IPO13: variants seen among roughly 807,000 people sequenced by gnomAD.
IPO13 encodes the protein importin 13, also known as importin-13.
IPO13 carries 28 observed loss-of-function variants against 115.5 expected under a neutral mutation model. The observed-to-expected ratio is 0.24, with a 90% CI of 0.18 to 0.33. IPO13 has a LOEUF of 0.33. Among genes scored for constraint, IPO13 ranks in the 10% least tolerant of loss-of-function variants. The pLI is 1.00. For synonymous variants in IPO13, 414 were observed against 478.9 expected, an observed-to-expected ratio of 0.86 and a Z score of 1.77; for missense variants, 785 against 1,204.6, an observed-to-expected ratio of 0.65 and a Z score of 5.16.
Position 43,961,206 on chromosome 1 carries a change from C to T in IPO13, c.2288C>T (p.Pro763Leu), listed in dbSNP as rs1386026288. The change falls in exon 14 of 20, where the codon CCA becomes CTA. Residue 763 changes from proline (P) to leucine (L), a missense_variant. Physicochemically the swap from Pro to Leu is moderately conservative, Grantham distance 98 (BLOSUM62 -3). Transcript: ENST00000372343. ...GCTCATGAGCCTGCCCACTTTCCCC[C>T]AATTGAGGCCCTCTTCCTGCTCGTC... ...IFAHEPAHFP[P>L]IEALFLLVTS... 1.9e-6 allele frequency: 3 copies of T among 1,614,048 alleles called. No individual in the cohort carries two copies. The highest frequency in any genetic ancestry group is 2.5e-6 in the Non-Finnish European group (3 of 1,180,000).
In IPO13 at chr1:43,958,398, A is replaced by G; in HGVS notation, c.1750-63A>G. On this transcript the variant is annotated intron_variant, in intron 9 of 19. Coordinates refer to ENST00000372343, the MANE Select transcript of IPO13 (RefSeq NM_014652.4). The surrounding 1 kb of genome is among the most constrained non-coding windows in gnomAD (Gnocchi z 6.3). ...CTGTTTTTCTTCTCCCAAGAGGCTC[A>G]TTTTCCTTCCTACCCCACAACTAGA... is the stretch of plus-strand genomic sequence containing the variant. 1.2e-6 allele frequency: 2 copies of G among 1,611,614 alleles called. No individual in the cohort carries two copies. Among genetic ancestry groups the G allele is most frequent in the East Asian group, 2.2e-5 (1 of 44,844 alleles).
chr1:43,949,308 C>A, intron 1 of IPO13, 109 bp from the exon 2 acceptor site: 1 of 1,208,394 alleles, frequency 8.3e-7, no homozygotes, highest in Non-Finnish European at 1.1e-6. Context: ...TGCTCAGCCC[C>A]CCAGTCAGGG....
rs753317887 is a variant in IPO13, at chr1:43,956,803, C to T, written c.1105-7C>T. On this transcript the variant is annotated splice_polypyrimidine_tract_variant and splice_region_variant and intron_variant, in intron 4 of 19. Transcript: ENST00000372343. This position sits in a 1 kb window ranked among gnomAD's most constrained non-coding sequence, Gnocchi z 4.7. Reference sequence around the variant, plus strand: ...AGGTGGCTAATTCTCTTCCCTGGCTCTCTCAGGATGATATTCTATCCTTTG... The same window carrying T: ...AGGTGGCTAATTCTCTTCCCTGGCTTTCTCAGGATGATATTCTATCCTTTG... 1 of 1,614,032 alleles carries T rather than the reference C, an allele frequency of 6.2e-7. No homozygotes were observed. Among genetic ancestry groups the T allele is most frequent in the Admixed American group, 1.7e-5 (1 of 60,026 alleles).
rs147495869 is a variant in IPO13, at chr1:43,953,850, A to G, written c.822-2470A>G. Among the ~76,000 whole-genome samples, 426 of 152,344 alleles carry G rather than the reference A, an allele frequency of 2.8e-3. 4 individuals are homozygous for G. Among genetic ancestry groups the G allele is most frequent in the African/African-American group, 9.8e-3 (406 of 41,582 alleles). On this transcript the variant is annotated intron_variant, in intron 2 of 19. Coordinates refer to ENST00000372343, the MANE Select transcript of IPO13 (RefSeq NM_014652.4). ...ACTGGAGATATGGGCTGAGACGTAC[A>G]TAAATCCTTTGGGGAAATTCTGGTT...
chr1:43,957,175 G>A lies in IPO13; in HGVS notation c.1272-20G>A, dbSNP rs746166779. The A allele has an allele frequency of 6.2e-7, 1 of 1,611,854 alleles. No individual in the cohort carries two copies. The highest frequency in any genetic ancestry group is 1.1e-5 in the South Asian group (1 of 90,934). Reference sequence around the variant, plus strand: ...GGGTCAGGATCCAGGCAGTATAAAAGGCCTTCATCTGCTTCTCAGGGTGGA... The same window carrying A: ...GGGTCAGGATCCAGGCAGTATAAAAAGCCTTCATCTGCTTCTCAGGGTGGA... On this transcript the variant is annotated intron_variant, in intron 5 of 19. Transcript: ENST00000372343.
In IPO13 at chr1:43,961,154, G is replaced by A; in HGVS notation, c.2248-12G>A. The A allele has an allele frequency of 6.2e-7, 1 of 1,612,648 alleles. No homozygotes were observed. The highest frequency in any genetic ancestry group is 8.5e-7 in the Non-Finnish European group (1 of 1,178,606). On this transcript the variant is annotated splice_polypyrimidine_tract_variant and intron_variant, in intron 13 of 19. Transcript: ENST00000372343. ...GGGTCTCAGCTGACCAGCATTCCCTGCTTTCTCGTAGCTGGTCCACATCTT... is the reference window on the plus strand; with the variant it reads ...GGGTCTCAGCTGACCAGCATTCCCTACTTTCTCGTAGCTGGTCCACATCTT...
At chr1:43,947,870 C>T (rs2085178342) in intron 1 of IPO13, among the ~76,000 whole-genome samples, 186 bp downstream of exon 1, 1 of 152,242 alleles carries the variant, frequency 6.6e-6, no homozygotes, top group Non-Finnish European at 1.5e-5. Flanking sequence ...TCTTTCCTTA[C>T]AGGCAGGTCC....
chr1:43,963,222 G>A (rs2085301350), intron 14 of IPO13, among the ~76,000 whole-genome samples: 1 of 152,220 alleles, frequency 6.6e-6, no homozygotes, highest in South Asian at 2.1e-4. Context: ...TGGTGTCTTA[G>A]GCAGATGGTT....
chr1:43,961,262 G>A lies in IPO13; in HGVS notation c.2344G>A (p.Gly782Arg). The A allele has an allele frequency of 6.2e-7, 1 of 1,611,912 alleles. No homozygotes were observed. Among genetic ancestry groups the A allele is most frequent in the Non-Finnish European group, 8.5e-7 (1 of 1,177,970 alleles). Residue 782 changes from glycine to arginine, a missense_variant and splice_region_variant, in exon 14 of 20, where the codon GGG becomes AGG. By Grantham distance (125) the Gly-to-Arg change is moderately radical. This residue lies in a region of IPO13 where 285 missense variants were observed against 394.8 expected (regional missense o/e 0.72). Coordinates refer to ENST00000372343, the MANE Select transcript of IPO13 (RefSeq NM_014652.4). Reference sequence around the variant, plus strand: ...CGTCACACTCACTCTCTTCCAGCAAGGTAGGTCCTGACCGGGGTCTCTGCT... The same window carrying A: ...CGTCACACTCACTCTCTTCCAGCAAAGTAGGTCCTGACCGGGGTCTCTGCT... ...TSVTLTLFQQ[G>R]PRDHPDIVDS...
At chr1:43,964,372 T>G in intron 15 of IPO13, 51 bp downstream of exon 15, 1 of 1,408,704 alleles carries the variant, frequency 7.1e-7, no homozygotes, top group Non-Finnish European at 9.9e-7. Context: ...TTTCTCTTTC[T>G]CTTATGTTGA....
rs369650419 is a variant in IPO13, at chr1:43,950,051, A to G, written c.719A>G (p.Glu240Gly). ...VQLEVPLQDC[E>G]ALIQAAFAAL... ...CTGGAGGTGCCGCTGCAGGACTGTGAGGCGCTCATTCAGGCTGCCTTTGCT... is the reference window on the plus strand; with the variant it reads ...CTGGAGGTGCCGCTGCAGGACTGTGGGGCGCTCATTCAGGCTGCCTTTGCT... The change falls in exon 2 of 20, where the codon GAG becomes GGG. Residue 240 changes from glutamate to glycine, a missense_variant. By Grantham distance (98) the Glu-to-Gly change is moderately conservative. Coordinates refer to ENST00000372343, the MANE Select transcript of IPO13 (RefSeq NM_014652.4). 1 of 1,613,672 alleles carries G rather than the reference A, an allele frequency of 6.2e-7. No individual in the cohort carries two copies. The highest frequency in any genetic ancestry group is 8.5e-7 in the Non-Finnish European group (1 of 1,179,976).
At chr1:43,949,104 C>T (rs764647836) in intron 1 of IPO13, among the ~76,000 whole-genome samples, 3 of 152,240 alleles carry the variant, frequency 2.0e-5, no homozygotes, top group Admixed American at 1.3e-4. Context: ...CCACCTGGGC[C>T]TTGCCCTCAA....
Position 43,967,170 on chromosome 1 carries a change from T to C in IPO13, c.2614-145T>C. The C allele has an allele frequency of 9.1e-7, 1 of 1,099,160 alleles. No homozygotes were observed. Among genetic ancestry groups the C allele is most frequent in the Admixed American group, 1.9e-5 (1 of 52,632 alleles). The allele number at this position is 1,099,160 out of a possible 1,614,324, so 68.1% of individuals were successfully genotyped here. On this transcript the variant is annotated intron_variant, in intron 18 of 19. Transcript: ENST00000372343. The surrounding 1 kb of genome is among the most constrained non-coding windows in gnomAD (Gnocchi z 6.1). ...TGCCTGAAAGTTGTTAGGATTGCTG[T>C]GGGGATCAGCTGGCTCTCAAAAAGC...
At position 43,967,863 on chromosome 1, in the gene IPO13, A is replaced by G. The variant is rs2085337666; in HGVS notation, c.*181A>G. ...GCTTGGACCCAGGCCTTGGGAGGGA[A>G]TGGTGGGAACATCCTCTAGCTCCCA... On this transcript the variant is annotated 3_prime_UTR_variant, in exon 20 of 20. Coordinates refer to ENST00000372343, the MANE Select transcript of IPO13 (RefSeq NM_014652.4). This position sits in a 1 kb window ranked among gnomAD's most constrained non-coding sequence, Gnocchi z 6.1. 3.2e-6 allele frequency: 2 copies of G among 633,316 alleles called. No individual in the cohort carries two copies. Among genetic ancestry groups the G allele is most frequent in the Non-Finnish European group, 5.6e-6 (2 of 358,522 alleles). The allele number at this position is 633,316 out of a possible 1,614,324, so 39.2% of individuals were successfully genotyped here.
At position 43,966,945 on chromosome 1, in the gene IPO13, C is replaced by T. The variant is rs141629431; in HGVS notation, c.2539C>T (p.Arg847Trp). ...TCCTCTGCAGACAGAGCTGCTGCCT[C>T]GGTGTGGGGAAGTAGAGTCTGTGGG... ...SCGFFTELLP[R>W]CGEVESVGKV... The change falls in exon 18 of 20, where the codon CGG becomes TGG. Residue 847 changes from arginine to tryptophan, a missense_variant. Around this residue, in one of 3 missense-constraint regions of IPO13, gnomAD observed 285 missense variants for 394.8 expected, o/e 0.72. Coordinates refer to ENST00000372343, the MANE Select transcript of IPO13 (RefSeq NM_014652.4). The surrounding 1 kb of genome is among the most constrained non-coding windows in gnomAD (Gnocchi z 4.1). 3.3e-5 allele frequency: 53 copies of T among 1,613,538 alleles called. No homozygotes were observed. Among genetic ancestry groups the T allele is most frequent in the African/African-American group, 5.3e-5 (4 of 74,844 alleles).
chr1:43,958,453 C>G lies in IPO13; in HGVS notation c.1750-8C>G, dbSNP rs779554805. ...GCCAGGACTGACCATCCATGTTCTG[C>G]CCCACAGACAAGCCAGTGCATGTGG... On this transcript the variant is annotated splice_polypyrimidine_tract_variant and splice_region_variant and intron_variant, in intron 9 of 19. Transcript: ENST00000372343. This position sits in a 1 kb window ranked among gnomAD's most constrained non-coding sequence, Gnocchi z 6.3. 1.2e-6 allele frequency: 2 copies of G among 1,613,782 alleles called. No homozygotes were observed. Among genetic ancestry groups the G allele is most frequent in the East Asian group, 4.5e-5 (2 of 44,902 alleles).
At chr1:43,953,023 G>A (rs1417824322) in intron 2 of IPO13, among the ~76,000 whole-genome samples, 1 of 152,184 alleles carries the variant, frequency 6.6e-6, no homozygotes, top group Non-Finnish European at 1.5e-5. Flanking sequence ...GATGTGAGGT[G>A]TCCTTGGATA....
In IPO13 at chr1:43,961,030, G is replaced by T; in HGVS notation, c.2247+17G>T. 6.2e-7 allele frequency: 1 copy of T among 1,613,758 alleles called. No individual in the cohort carries two copies. Among genetic ancestry groups the T allele is most frequent in the Non-Finnish European group, 8.5e-7 (1 of 1,179,706 alleles). On this transcript the variant is annotated intron_variant, in intron 13 of 19. Coordinates refer to ENST00000372343, the MANE Select transcript of IPO13 (RefSeq NM_014652.4). Reference sequence around the variant, plus strand: ...ACTCGACAGGTGGGCCTTCTGGTTGGGGCAGAGATCCTGACCCTGGGTGGG... The same window carrying T: ...ACTCGACAGGTGGGCCTTCTGGTTGTGGCAGAGATCCTGACCCTGGGTGGG...
At chr1:43,954,198 C>T (rs1335539681) in intron 2 of IPO13, among the ~76,000 whole-genome samples, 1 of 152,200 alleles carries the variant, frequency 6.6e-6, no homozygotes, top group African/African-American at 2.4e-5. Context: ...TGCCCCTTCT[C>T]TTTGTGCCAG....
Sources: allele counts gnomAD v4.1 joint callset (sites outside exome capture counted in the v4.1 genomes callset), GRCh38; gene constraint gnomAD v4.1.1; regional missense constraint gnomAD v4.1.1; non-coding constraint Gnocchi (gnomAD v3.1); transcripts MANE v1.5; gene names NCBI Gene and HGNC (gene_info 2026-07-23, HGNC 2026-07-21).